ZNF385B: variants seen among roughly 807,000 people sequenced by gnomAD.
The protein encoded by ZNF385B is zinc finger protein 533.
Under a neutral mutation model 39.2 loss-of-function variants are expected in ZNF385B, and 23 were observed. That is an observed-to-expected ratio of 0.59 (90% CI 0.42 to 0.83). The LOEUF is 0.83. Among genes scored for constraint, ZNF385B ranks in the 40% least tolerant of loss-of-function variants. ZNF385B has a pLI of 0.00. For missense variants in ZNF385B, 552 were observed against 598.9 expected, an observed-to-expected ratio of 0.92 and a Z score of 0.82; for synonymous variants, 205 against 222.6, an observed-to-expected ratio of 0.92 and a Z score of 0.70.
At chr2:179,581,506 G>A (rs191323478) in intron 3 of ZNF385B, among the ~76,000 whole-genome samples, 175 of 152,276 alleles carry the variant, frequency 1.1e-3, no homozygotes, top group African/African-American at 4.0e-3. Flanking sequence ...AAAAGTCATA[G>A]CTGGTAAAAC....
intron 3 of ZNF385B, among the ~76,000 whole-genome samples, chr2:179,703,081 T>A (rs1699330355): frequency 6.6e-6 from 1 of 152,258 alleles, no homozygotes; most frequent in Non-Finnish European, 1.5e-5. Flanking sequence ...AGTTATGTTA[T>A]AACCTTGGCT....
chr2:179,731,800 CA>C (rs1701411298), intron 3 of ZNF385B, among the ~76,000 whole-genome samples: 1 of 152,140 alleles, frequency 6.6e-6, no homozygotes, highest in African/African-American at 2.4e-5. Context: ...AATAAACAAA[CA>C]AACAATAAAA....
At chr2:179,799,587 G>A (rs1705901069) in intron 1 of ZNF385B, among the ~76,000 whole-genome samples, 1 of 152,004 alleles carries the variant, frequency 6.6e-6, no homozygotes, top group Non-Finnish European at 1.5e-5. Flanking sequence ...AGAACTGGAT[G>A]GAAATCTTAG....
chr2:179,503,022 T>C (rs1367521545), intron 5 of ZNF385B, among the ~76,000 whole-genome samples: 1 of 152,018 alleles, frequency 6.6e-6, no homozygotes, highest in Non-Finnish European at 1.5e-5. Context: ...CTACAGGTAC[T>C]TGTCGCCAGG....
intron 3 of ZNF385B, among the ~76,000 whole-genome samples, chr2:179,592,969 C>G (rs1270503294): frequency 6.6e-6 from 1 of 151,790 alleles, no homozygotes; most frequent in African/African-American, 2.4e-5. Flanking sequence ...ATTCTAAAAC[C>G]TAAACTTTTG....
intron 3 of ZNF385B, among the ~76,000 whole-genome samples, chr2:179,695,809 G>T (rs778577294): frequency 6.6e-6 from 1 of 152,150 alleles, no homozygotes; most frequent in Non-Finnish European, 1.5e-5. Flanking sequence ...CAGCGGCATT[G>T]TTCATAACAG....
At chr2:179,622,025 T>G (rs1404397350) in intron 3 of ZNF385B, among the ~76,000 whole-genome samples, 1 of 152,178 alleles carries the variant, frequency 6.6e-6, no homozygotes, top group African/African-American at 2.4e-5. Flanking sequence ...CACTGTATAC[T>G]AAGCTGTAAC....
At chr2:179,588,679 C>A (rs1473189174) in intron 3 of ZNF385B, among the ~76,000 whole-genome samples, 2 of 152,146 alleles carry the variant, frequency 1.3e-5, no homozygotes, top group Non-Finnish European at 2.9e-5. Context: ...TCCCGGACTG[C>A]CATAATTTGC....
At chr2:179,664,399 C>T (rs1282777148) in intron 3 of ZNF385B, among the ~76,000 whole-genome samples, 3 of 151,772 alleles carry the variant, frequency 2.0e-5, no homozygotes, top group South Asian at 2.1e-4. Flanking sequence ...AAATTGTAGC[C>T]GAATAGTTTT....
chr2:179,713,861 G>A (rs1700158459), intron 3 of ZNF385B, among the ~76,000 whole-genome samples: 2 of 152,314 alleles, frequency 1.3e-5, no homozygotes, highest in African/African-American at 2.4e-5. Context: ...CACTCACAGT[G>A]TAAGAATTTT....
intron 3 of ZNF385B, among the ~76,000 whole-genome samples, chr2:179,708,377 G>GT (rs1559114750): frequency 6.6e-6 from 1 of 152,134 alleles, no homozygotes; most frequent in Non-Finnish European, 1.5e-5. Flanking sequence ...AATAAAACCT[G>GT]TTTCCTTTAT....
intron 7 of ZNF385B, among the ~76,000 whole-genome samples, chr2:179,446,114 CATT>C (rs2049446480): frequency 1.3e-5 from 2 of 152,098 alleles, no homozygotes; most frequent in Non-Finnish European, 2.9e-5. Flanking sequence ...ATTTTCTGAT[CATT>C]ATGTTTTAAT....
intron 1 of ZNF385B, among the ~76,000 whole-genome samples, chr2:179,850,959 G>A (rs1041014892): frequency 6.6e-6 from 1 of 152,126 alleles, no homozygotes; most frequent in Non-Finnish European, 1.5e-5. Context: ...TTTCCTTAAC[G>A]TTAGAAGATA....
At chr2:179,528,270 C>A (rs1313722414) in intron 4 of ZNF385B, among the ~76,000 whole-genome samples, 1 of 152,136 alleles carries the variant, frequency 6.6e-6, no homozygotes, top group Non-Finnish European at 1.5e-5. Context: ...GAGCTACCAC[C>A]ATCATCATAA....
At chr2:179,486,032 C>T (rs1169971922) in intron 5 of ZNF385B, among the ~76,000 whole-genome samples, 2 of 151,966 alleles carry the variant, frequency 1.3e-5, no homozygotes, top group Admixed American at 6.6e-5. Context: ...AAAATAATCA[C>T]GTGGGGAGAA....
At chr2:179,834,056 A>T (rs992888757) in intron 1 of ZNF385B, among the ~76,000 whole-genome samples, 1 of 152,150 alleles carries the variant, frequency 6.6e-6, no homozygotes, top group African/African-American at 2.4e-5. Flanking sequence ...GGGAGGAGAT[A>T]CAGCTACAGA....
At chr2:179,593,157 A>C (rs536921238) in intron 3 of ZNF385B, among the ~76,000 whole-genome samples, 76 of 152,330 alleles carry the variant, frequency 5.0e-4, no homozygotes, top group African/African-American at 1.8e-3. Context: ...GATTGAGGGA[A>C]GAAACACTTT....
chr2:179,536,424 AAGAT>A (rs2059569438), intron 4 of ZNF385B: 1 of 152,208 alleles, frequency 6.6e-6, no homozygotes, highest in Non-Finnish European at 1.5e-5. Context: ...TCTAGCACTG[AAGAT>A]GAGGCCCCAG....
At chr2:179,833,484 T>C (rs1445979029) in intron 1 of ZNF385B, among the ~76,000 whole-genome samples, 1 of 152,124 alleles carries the variant, frequency 6.6e-6, no homozygotes, top group Non-Finnish European at 1.5e-5. Flanking sequence ...TAATGCAGAA[T>C]CAAACCAAGA....
Sources: allele counts gnomAD v4.1 joint callset (sites outside exome capture counted in the v4.1 genomes callset), GRCh38; gene constraint gnomAD v4.1.1; transcripts MANE v1.5; gene names NCBI Gene and HGNC (gene_info 2026-07-23, HGNC 2026-07-21).